Variants in MMP16 observed in about 807,000 individuals in gnomAD.
MMP16 encodes matrix metalloproteinase-16.
Under a neutral mutation model 67.8 loss-of-function variants are expected in MMP16, and 12 were observed. That is an observed-to-expected ratio of 0.18 (90% CI 0.11 to 0.29). The LOEUF (loss-of-function observed/expected upper bound fraction) is 0.29. Ranked by LOEUF, MMP16 falls within the 10% of genes least tolerant of loss-of-function variation. The probability of loss-of-function intolerance (pLI) is 1.00; values close to 1 mark genes in which losing one functional copy is unlikely to be tolerated. For missense variants in MMP16, 475 were observed against 765.7 expected, an observed-to-expected ratio of 0.62 and a Z score of 4.48; for synonymous variants, 249 against 255.9, an observed-to-expected ratio of 0.97 and a Z score of 0.26.
rs569479479 is a variant in MMP16 at position 88,089,532 on chromosome 8, G to A, written c.1084-14789C>T. 3.9e-5 allele frequency among the ~76,000 whole-genome samples: 6 copies of A among 152,042 alleles called. No homozygotes were observed. The South Asian group carries it at 1.2e-3, about 32-fold the overall frequency. On this transcript the variant is annotated intron_variant, in intron 6 of 9. Transcript: ENST00000286614. The stretch of plus-strand genomic sequence containing the variant: ...TGAAATGGAAAGGCAACAGCTTGAT[G>A]GGGCATCCAATGACATGATCATTGA...
At chr8:88,135,668 G>T (rs770980472) in intron 4 of MMP16, among the ~76,000 whole-genome samples, 1 of 151,974 alleles carries the variant, frequency 6.6e-6, no homozygotes, top group East Asian at 1.9e-4. Flanking sequence ...CCATGTTATT[G>T]TGGAGAGAAA....
At chr8:88,186,362 TTATATCCC>T in intron 3 of MMP16, 106 bp downstream of exon 3, 2 of 1,371,214 alleles carry the variant, frequency 1.5e-6, no homozygotes, top group South Asian at 2.7e-5. Context: ...TATGTTAACA[TTATATCCC>T]TATATATTAA....
chr8:88,050,304 C>CAG (rs1432324577), intron 8 of MMP16, among the ~76,000 whole-genome samples: 4 of 152,130 alleles, frequency 2.6e-5, no homozygotes, highest in African/African-American at 9.7e-5. Context: ...GCTTGGGCAA[C>CAG]AGAGAGAGAC....
chr8:88,126,677 A>G (rs138796234), intron 4 of MMP16, among the ~76,000 whole-genome samples: 52 of 151,972 alleles, frequency 3.4e-4, no homozygotes, highest in African/African-American at 1.2e-3. Flanking sequence ...ATACGGAATC[A>G]TTACTTTGCA....
intron 1 of MMP16, among the ~76,000 whole-genome samples, chr8:88,317,906 G>C (rs1161113460): frequency 6.6e-6 from 1 of 152,114 alleles, no homozygotes; most frequent in African/African-American, 2.4e-5. Flanking sequence ...AATAACATTT[G>C]AGACACCTGA....
rs180819110 is a variant in MMP16 at position 88,288,539 on chromosome 8, T to G, written c.132+38536A>C. On this transcript the variant is annotated intron_variant, in intron 1 of 9. Coordinates refer to ENST00000286614, the MANE Select transcript of MMP16 (RefSeq NM_005941.5). ...CATTCCCTAATTGCTAAACATCAAC[T>G]GACCAGTGTTCTGGTATCTTTAGAG... Among the ~76,000 whole-genome samples the G allele has an allele frequency of 3.9e-3, 587 of 152,288 alleles. 3 individuals are homozygous for G. Among genetic ancestry groups the G allele is most frequent in the Non-Finnish European group, 4.9e-3 (334 of 68,000 alleles).
intron 1 of MMP16, among the ~76,000 whole-genome samples, chr8:88,234,568 T>C (rs755294397): frequency 3.3e-5 from 5 of 152,234 alleles, no homozygotes; most frequent in Admixed American, 6.5e-5. Flanking sequence ...CTCACTTTTC[T>C]GCCTTGACCC....
chr8:88,087,438 T>C (rs1311729294), intron 6 of MMP16, among the ~76,000 whole-genome samples: 1 of 151,868 alleles, frequency 6.6e-6, no homozygotes, highest in Non-Finnish European at 1.5e-5. Context: ...CAGTGTGCCA[T>C]GGCATAGGCA....
At chr8:88,077,389 A>G (rs1213896254) in intron 6 of MMP16, among the ~76,000 whole-genome samples, 3 of 152,162 alleles carry the variant, frequency 2.0e-5, no homozygotes, top group Non-Finnish European at 1.5e-5. Context: ...CTTATAAGTG[A>G]GACATTCCCT....
chr8:88,326,891 C>G, intron 1 of MMP16, 184 bp downstream of exon 1: 1 of 608,298 alleles, frequency 1.6e-6, no homozygotes, highest in Non-Finnish European at 2.8e-6. Context: ...ATAACGGATT[C>G]TGGGTCTCAC....
At chr8:88,298,298 T>C (rs538241315) in intron 1 of MMP16, among the ~76,000 whole-genome samples, 1 of 152,330 alleles carries the variant, frequency 6.6e-6, no homozygotes, top group African/African-American at 2.4e-5. Context: ...GGCACATCCA[T>C]GTGACTATCA....
chr8:88,178,346 G>T (rs1170152382), intron 3 of MMP16, among the ~76,000 whole-genome samples: 1 of 152,090 alleles, frequency 6.6e-6, no homozygotes, highest in Non-Finnish European at 1.5e-5. Flanking sequence ...AAAACACATG[G>T]ATAATATAAC....
At position 88,035,877 on chromosome 8, in the gene MMP16, T is replaced by C. The variant is rs914459082; in HGVS notation, c.*5584A>G. On this transcript the variant is annotated 3_prime_UTR_variant, in exon 10 of 10. Transcript: ENST00000286614. This position sits in a 1 kb window ranked among gnomAD's most constrained non-coding sequence, Gnocchi z 4.7. ...GACATACGTATAAAATATTGAAACA[T>C]ATATTTGTAATTGGATGTTATTAAT... The C allele has an allele frequency of 2.0e-5, 3 of 151,996 alleles. No individual in the cohort carries two copies. Among genetic ancestry groups the C allele is most frequent in the East Asian group, 1.9e-4 (1 of 5,200 alleles). 9.4% of individuals were successfully genotyped at this position (151,996 alleles called of 1,614,324 possible).
Position 88,074,666 on chromosome 8 carries a change from G to A in MMP16, c.1161C>T (p.Gly387=), listed in dbSNP as rs1173814756. 6.2e-7 allele frequency: 1 copy of A among 1,613,704 alleles called. No individual in the cohort carries two copies. The highest frequency in any genetic ancestry group is 8.5e-7 in the Non-Finnish European group (1 of 1,179,752). The change falls in exon 7 of 10, where the codon GGC becomes GGT. Residue 387 remains glycine, a synonymous_variant. Coordinates refer to ENST00000286614, the MANE Select transcript of MMP16 (RefSeq NM_005941.5). ...AAACTGCATCGATACTAGGAGGCAA[G>A]CCCCGCCAGAAGTAAGTAATTTGCA... The part of the protein sequence containing the change: ...YPMQITYFWR[G]LPPSIDAVYE...
At chr8:88,223,815 A>G (rs1032818786) in intron 1 of MMP16, among the ~76,000 whole-genome samples, 5 of 151,966 alleles carry the variant, frequency 3.3e-5, no homozygotes, top group African/African-American at 1.2e-4. Flanking sequence ...AGTTGTGCAC[A>G]TGTACCCTAG....
At chr8:88,325,775 CTG>C (rs1811526766) in intron 1 of MMP16, among the ~76,000 whole-genome samples, 1 of 152,060 alleles carries the variant, frequency 6.6e-6, no homozygotes, top group African/African-American at 2.4e-5. Flanking sequence ...TACTTAATAT[CTG>C]TGAAGGTCTT....
chr8:88,072,051 T>C (rs781680464), intron 7 of MMP16, among the ~76,000 whole-genome samples: 24 of 152,066 alleles, frequency 1.6e-4, no homozygotes, highest in Middle Eastern at 3.4e-3. Context: ...GTTTGTCAGA[T>C]GGTACGTGCA....
chr8:88,223,193 A>G (rs948109255), intron 1 of MMP16, among the ~76,000 whole-genome samples: 5 of 152,196 alleles, frequency 3.3e-5, no homozygotes, highest in African/African-American at 1.2e-4. Flanking sequence ...TCAGGAAACA[A>G]CAGGTGCAGG....
Position 88,167,775 on chromosome 8 carries a change from T to C in MMP16, c.603A>G (p.Gly201=). 1 of 1,613,952 alleles carries C rather than the reference T, an allele frequency of 6.2e-7. No homozygotes were observed. Among genetic ancestry groups the C allele is most frequent in the Non-Finnish European group, 8.5e-7 (1 of 1,179,948 alleles). The change falls in exon 4 of 10, where the codon GGA becomes GGG. Residue 201 remains glycine (G), a synonymous_variant. Coordinates refer to ENST00000286614, the MANE Select transcript of MMP16 (RefSeq NM_005941.5). ...GFHGDSSPFD[G]EGGFLAHAYF... ...AGGCATGTGCCAAAAATCCTCCCTC[T>C]CCATCAAAGGGAGAGCTGTCCCCAT...
Sources: gnomAD v4.1 joint callset for allele counts (sites outside exome capture counted in the v4.1 genomes callset) on GRCh38, gnomAD v4.1.1 for gene constraint, Gnocchi (gnomAD v3.1) non-coding constraint, MANE v1.5 for transcripts, NCBI Gene and HGNC (gene_info 2026-07-23, HGNC 2026-07-21) for gene names.